SLC9A9: variants seen among roughly 807,000 people sequenced by gnomAD.
SLC9A9 encodes the protein sodium/hydrogen exchanger 9.
A neutral mutation model predicts 77.8 loss-of-function variants in SLC9A9; 62 were observed. That is an observed-to-expected ratio of 0.80 (90% CI 0.65 to 0.98). The LOEUF (loss-of-function observed/expected upper bound fraction) is 0.98. Among genes scored for constraint, SLC9A9 ranks in the 50% least tolerant of loss-of-function variants. SLC9A9 has a pLI of 0.00. For missense variants in SLC9A9, 775 were observed against 774.9 expected (o/e 1.00, Z 0.00); for synonymous variants, 320 against 283.5 (o/e 1.13, Z -1.29).
intron 5 of SLC9A9, among the ~76,000 whole-genome samples, chr3:143,670,387 G>A (rs2039138352): frequency 6.6e-6 from 1 of 152,224 alleles, no homozygotes; most frequent in African/African-American, 2.4e-5. Context: ...ACAATGTCAA[G>A]AAAAGTGATC....
chr3:143,606,436 C>CTCTATATATATATATATATA (rs1419410834), intron 6 of SLC9A9, among the ~76,000 whole-genome samples: 33 of 54,206 alleles, frequency 6.1e-4, no homozygotes, highest in Admixed American at 1.0e-3. Context: ...CTCTCTCTCT[C>CTCTATATATATATATATATA]TATATATATA....
intron 11 of SLC9A9, among the ~76,000 whole-genome samples, chr3:143,485,289 G>A (rs1408922099): frequency 6.6e-6 from 1 of 152,136 alleles, no homozygotes; most frequent in African/African-American, 2.4e-5. Flanking sequence ...CCCCTTACTG[G>A]GAAGCTCCTC....
chr3:143,653,168 C>T (rs578114189), intron 5 of SLC9A9, among the ~76,000 whole-genome samples: 2 of 152,182 alleles, frequency 1.3e-5, no homozygotes, highest in Non-Finnish European at 2.9e-5. Context: ...TGAAGATGGA[C>T]TCAATGATCT....
Position 143,795,556 on chromosome 3 carries a change from T to TGA in SLC9A9, c.457-481_457-480dup, listed in dbSNP as rs1320654263. Among the ~76,000 whole-genome samples, 6 of 152,286 alleles carry TGA rather than the reference T, an allele frequency of 3.9e-5. No individual in the cohort carries two copies. The East Asian group carries it at 1.2e-3, about 29-fold the overall frequency. On this transcript the variant is annotated intron_variant, in intron 3 of 15. Coordinates refer to ENST00000316549, the MANE Select transcript of SLC9A9 (RefSeq NM_173653.4). ...ACTTCTCTTTTATATCTTCTGAATG[T>TGA]GATGAAAATAAACTTTAAAAATCTA...
At chr3:143,319,423 T>A (rs2031335293) in intron 14 of SLC9A9, among the ~76,000 whole-genome samples, 1 of 152,208 alleles carries the variant, frequency 6.6e-6, no homozygotes, top group Non-Finnish European at 1.5e-5. Context: ...AATTAGTGAA[T>A]GTCTGTCATT....
chr3:143,710,073 GA>G (rs916351470), intron 4 of SLC9A9, among the ~76,000 whole-genome samples: 2 of 152,140 alleles, frequency 1.3e-5, no homozygotes, highest in African/African-American at 4.8e-5. Flanking sequence ...ATTCATTAAA[GA>G]AAAACAAGTT....
chr3:143,323,614 G>C (rs2031487863), intron 14 of SLC9A9, among the ~76,000 whole-genome samples: 1 of 152,136 alleles, frequency 6.6e-6, no homozygotes, highest in African/African-American at 2.4e-5. Flanking sequence ...GACTTAAAGG[G>C]TGCAAAGATA....
intron 14 of SLC9A9, among the ~76,000 whole-genome samples, chr3:143,324,496 G>C (rs2031518093): frequency 6.6e-6 from 1 of 152,186 alleles, no homozygotes; most frequent in Non-Finnish European, 1.5e-5. Context: ...AGCACTCGAA[G>C]GCAGTGCCAA....
In SLC9A9 at chr3:143,832,158, A is replaced by G. The variant is rs759672308; in HGVS notation, c.239T>C (p.Val80Ala). The G allele has an allele frequency of 1.1e-5, 18 of 1,613,136 alleles. No individual in the cohort carries two copies. Among genetic ancestry groups the G allele is most frequent in the Non-Finnish European group, 1.5e-5 (18 of 1,179,598 alleles). Residue 80 changes from valine (V) to alanine (A), a missense_variant, in exon 2 of 16, where the codon GTC becomes GCC. By Grantham distance (64) the Val-to-Ala change is moderately conservative (BLOSUM62 0). Transcript: ENST00000316549. ...TAPTDIESGT[V>A]YDCVKLTFSP... ...GAAAGTTAGTTTTACACAGTCATAGACAGTTCCACTTTCAATATCAGTTGG... is the reference window on the plus strand; with the variant it reads ...GAAAGTTAGTTTTACACAGTCATAGGCAGTTCCACTTTCAATATCAGTTGG...
At chr3:143,319,980 C>T (rs1483500541) in intron 14 of SLC9A9, among the ~76,000 whole-genome samples, 1 of 152,208 alleles carries the variant, frequency 6.6e-6, no homozygotes, top group Non-Finnish European at 1.5e-5. Flanking sequence ...CCTGTGTCCA[C>T]TGCTTCACGA....
intron 12 of SLC9A9, among the ~76,000 whole-genome samples, chr3:143,389,964 G>T (rs2033518825): frequency 6.6e-6 from 1 of 152,232 alleles, no homozygotes; most frequent in Admixed American, 6.5e-5. Context: ...GCAGAGCTGG[G>T]ATGCTGCTGA....
intron 4 of SLC9A9, among the ~76,000 whole-genome samples, chr3:143,707,985 A>G (rs1321828898): frequency 5.9e-5 from 9 of 152,156 alleles, no homozygotes; most frequent in Admixed American, 5.9e-4. Flanking sequence ...TGTTTGGGTC[A>G]GTTTCTGCTG....
chr3:143,644,777 T>C (rs80285346), intron 6 of SLC9A9, among the ~76,000 whole-genome samples: 1 of 151,740 alleles, frequency 6.6e-6, no homozygotes, highest in South Asian at 2.1e-4. Context: ...TTTTTTTTTT[T>C]AATTATGTAT....
intron 6 of SLC9A9, among the ~76,000 whole-genome samples, chr3:143,624,802 A>G (rs1047773918): frequency 6.6e-6 from 1 of 152,212 alleles, no homozygotes; most frequent in African/African-American, 2.4e-5. Context: ...AGGGTATTCA[A>G]TTAGGAAGAG....
intron 12 of SLC9A9, among the ~76,000 whole-genome samples, chr3:143,403,946 T>C (rs117321681): frequency 1.5e-3 from 234 of 152,310 alleles, no homozygotes; most frequent in East Asian, 0.013. Flanking sequence ...AAACTTCCAT[T>C]ACACACATGT....
chr3:143,590,871 A>C (rs2037634341), intron 6 of SLC9A9, among the ~76,000 whole-genome samples: 1 of 152,206 alleles, frequency 6.6e-6, no homozygotes, highest in Non-Finnish European at 1.5e-5. Flanking sequence ...CTACATAGAG[A>C]TAAAGAAGAA....
chr3:143,679,927 C>T (rs7650396), intron 5 of SLC9A9, among the ~76,000 whole-genome samples: 130,202 of 152,078 alleles, frequency 0.86, 56,454 homozygotes, highest in South Asian at 0.94. Flanking sequence ...AAAATTATAA[C>T]AGATGGAATA....
rs139459855 is a variant in SLC9A9, at chr3:143,520,709, T to C, written c.1090-25261A>G. ...GACTTTCCCAAGAGCACAAAACTAG[T>C]ATATGGATCAGGGATCTGAACCCAG... On this transcript the variant is annotated intron_variant, in intron 9 of 15. Transcript: ENST00000316549. 3.2e-3 allele frequency among the ~76,000 whole-genome samples: 480 copies of C among 152,236 alleles called. 1 individual carries two copies. The highest frequency in any genetic ancestry group is 0.011 in the African/African-American group (446 of 41,536).
chr3:143,669,361 G>C (rs1057225989), intron 5 of SLC9A9, among the ~76,000 whole-genome samples: 1 of 152,102 alleles, frequency 6.6e-6, no homozygotes, highest in Non-Finnish European at 1.5e-5. Context: ...TCATTTAAAC[G>C]GAGACATTCT....
Sources: allele counts gnomAD v4.1 joint callset (sites outside exome capture counted in the v4.1 genomes callset), GRCh38; gene constraint gnomAD v4.1.1; transcripts MANE v1.5; gene names NCBI Gene and HGNC (gene_info 2026-07-23, HGNC 2026-07-21).